SLC10A1: variants seen among roughly 807,000 people sequenced by gnomAD.
SLC10A1 encodes the protein solute carrier family 10 member 1.
A neutral mutation model predicts 20.5 loss-of-function variants in SLC10A1; 36 were observed. That is an observed-to-expected ratio of 1.75 (90% CI 1.34 to 2.32). The LOEUF (loss-of-function observed/expected upper bound fraction) is 2.32. Ranked by LOEUF, SLC10A1 falls within the 30% of genes most tolerant of loss-of-function variation. The probability of loss-of-function intolerance (pLI) is 0.00; values close to 1 mark genes in which losing one functional copy is unlikely to be tolerated. For synonymous variants in SLC10A1, 188 were observed against 163.6 expected (o/e 1.15, Z -1.14); for missense variants, 545 against 439.1 (o/e 1.24, Z -2.16).
intron 2 of SLC10A1, among the ~76,000 whole-genome samples, chr14:69,783,917 A>G (rs1434299268): frequency 1.3e-5 from 2 of 152,224 alleles, no homozygotes; most frequent in Admixed American, 6.5e-5. Context: ...GCACACACAC[A>G]GTGCCACCGA....
chr14:69,781,437 C>T (rs1883589733), intron 2 of SLC10A1, among the ~76,000 whole-genome samples: 1 of 152,188 alleles, frequency 6.6e-6, no homozygotes, highest in Non-Finnish European at 1.5e-5. Flanking sequence ...CAAAGGTGGC[C>T]CGCACAGGCT....
chr14:69,791,457 C>T (rs953904333), intron 1 of SLC10A1, among the ~76,000 whole-genome samples: 16 of 152,148 alleles, frequency 1.1e-4, no homozygotes, highest in Non-Finnish European at 1.9e-4. Context: ...CCCGCCACCA[C>T]GCCCAGCTAA....
rs765246704 is a variant in SLC10A1 at position 69,779,262 on chromosome 14, CAA to C, written c.664_665del (p.Leu222AspfsTer55). Reference protein sequence around the residue: ...KSIMFAMTPLLIATSSLMPFI... With the variant: ...KSIMFAMTPLXIATSSLMPFI... Reference sequence around the variant, plus strand: ...AAGGCATCAGGGAGGAGGTGGCAATCAAGAGTGGTGTCATGGCAAACATGATG... The same window carrying C: ...AAGGCATCAGGGAGGAGGTGGCAATCGAGTGGTGTCATGGCAAACATGATG... On this transcript the variant is annotated frameshift_variant, in exon 3 of 5. Transcript: ENST00000216540. LOFTEE classifies it high-confidence loss of function. 2.2e-5 allele frequency: 36 copies of C among 1,613,710 alleles called. No individual in the cohort carries two copies. In the Middle Eastern group the frequency reaches 4.9e-4, roughly 22 times the overall value.
intron 2 of SLC10A1, among the ~76,000 whole-genome samples, chr14:69,782,173 C>T (rs1883606796): frequency 1.3e-5 from 2 of 152,196 alleles, no homozygotes; most frequent in South Asian, 4.1e-4. Flanking sequence ...ATCAGTGTAG[C>T]TGTTGACTTT....
Position 69,779,184 on chromosome 14 carries a change from T to C in SLC10A1, c.744A>G (p.Gly248=). The part of the protein sequence containing the change: ...YVLSALFCLN[G]RCRRTVSMET... ...TTAAAAAAAAAAAAAATACCTACCG[T>C]CCATTGAGGCAGAAGAGAGCAGAGA... is the stretch of plus-strand genomic sequence containing the variant. Residue 248 remains glycine (G), a splice_region_variant and synonymous_variant, in exon 3 of 5, where the codon GGA becomes GGG. Coordinates refer to ENST00000216540, the MANE Select transcript of SLC10A1 (RefSeq NM_003049.4). 1.3e-6 allele frequency: 2 copies of C among 1,567,630 alleles called. No homozygotes were observed. Among genetic ancestry groups the C allele is most frequent in the African/African-American group, 1.4e-5 (1 of 70,694 alleles).
chr14:69,782,042 G>A (rs1217831887), intron 2 of SLC10A1, among the ~76,000 whole-genome samples: 5 of 152,292 alleles, frequency 3.3e-5, no homozygotes, highest in African/African-American at 7.2e-5. Flanking sequence ...ACAGGGTGAC[G>A]AAGGATGAGC....
At chr14:69,781,767 C>T (rs1329795053) in intron 2 of SLC10A1, among the ~76,000 whole-genome samples, 1 of 152,168 alleles carries the variant, frequency 6.6e-6, no homozygotes, top group Non-Finnish European at 1.5e-5. Flanking sequence ...TTGGATAAAC[C>T]CTTGCATGGG....
At chr14:69,787,137 T>C (rs185670612) in intron 1 of SLC10A1, among the ~76,000 whole-genome samples, 70 of 152,352 alleles carry the variant, frequency 4.6e-4, no homozygotes, top group African/African-American at 1.6e-3. Context: ...TCCCCAACTC[T>C]GGTGTTCTCA....
rs1883802035 is a variant in SLC10A1, at chr14:69,789,928, T to TC, written c.357-3622_357-3621insG. On this transcript the variant is annotated intron_variant, in intron 1 of 4. Transcript: ENST00000216540. ...CCAAAAATAGGGTTTTTTTTTTTTC[T>TC]TTTTTTTTTTAAAGGCCAATTAAAT... Among the ~76,000 whole-genome samples, 11 of 145,864 alleles carry TC rather than the reference T, an allele frequency of 7.5e-5. 1 individual carries two copies. The highest frequency in any genetic ancestry group is 9.1e-5 in the Non-Finnish European group (6 of 65,868).
At position 69,778,408 on chromosome 14, in the gene SLC10A1, T is replaced by C. The variant is rs200184307; in HGVS notation, c.868A>G (p.Met290Val). 11 of 1,613,776 alleles carry C rather than the reference T, an allele frequency of 6.8e-6. No individual in the cohort carries two copies. The highest frequency in any genetic ancestry group is 2.2e-5 in the South Asian group (2 of 91,056). ...AGCCCTTCTCCAAGCTGGAAAATCA[T>C]GTAGAGGAGGGGAAAGAAGAAAAGT... is the stretch of plus-strand genomic sequence containing the variant. ...GPLFFFPLLYMIFQLGEGLLL... is the reference protein window; with the variant it reads ...GPLFFFPLLYVIFQLGEGLLL... The change falls in exon 4 of 5, where the codon ATG becomes GTG. Residue 290 changes from methionine to valine, a missense_variant. Physicochemically the swap from Met to Val is conservative, Grantham distance 21. Transcript: ENST00000216540.
Position 69,776,208 on chromosome 14 carries a change from G to C in SLC10A1, c.*74C>G. 9.7e-7 allele frequency: 1 copy of C among 1,034,418 alleles called. No individual in the cohort carries two copies. The allele number at this position is 1,034,418 out of a possible 1,614,324, so 64.1% of individuals were successfully genotyped here. A position where few individuals can be genotyped will look rare whatever the true frequency, so the allele number is the denominator to read the frequency against. On this transcript the variant is annotated 3_prime_UTR_variant, in exon 5 of 5. Transcript: ENST00000216540. ...AGACTCAGGCAAGACTGGTGTTTTT[G>C]CTGCTCTCTCTAGTTTACCACACTG... is the stretch of plus-strand genomic sequence containing the variant.
At chr14:69,785,594 T>TC (rs1883692198) in intron 2 of SLC10A1, among the ~76,000 whole-genome samples, 1 of 150,154 alleles carries the variant, frequency 6.7e-6, no homozygotes, top group Non-Finnish European at 1.5e-5. Context: ...TTCTTTTCTT[T>TC]TTTTTTTTTT....
At chr14:69,796,634 T>C (rs1882390345) in intron 1 of SLC10A1, among the ~76,000 whole-genome samples, 166 bp downstream of exon 1, 1 of 152,146 alleles carries the variant, frequency 6.6e-6, no homozygotes, top group South Asian at 2.1e-4. Flanking sequence ...CCTGCCCCCA[T>C]CCCAGCATAA....
intron 1 of SLC10A1, 24 bp from the exon 2 acceptor site, chr14:69,786,331 GGA>G (rs375377530): frequency 1.4e-4 from 226 of 1,593,510 alleles, no homozygotes; most frequent in Admixed American, 2.8e-4. Flanking sequence ...TGGGAAGAGG[GGA>G]GAGAGAGAGA....
chr14:69,778,353 T>C lies in SLC10A1; in HGVS notation c.923A>G (p.Glu308Gly). 2.5e-6 allele frequency: 4 copies of C among 1,608,736 alleles called. No homozygotes were observed. The South Asian group carries it at 4.4e-5, about 18-fold the overall frequency. The change falls in exon 4 of 5, where the codon GAG becomes GGG. Residue 308 changes from glutamate (E) to glycine (G), a missense_variant. Glu to Gly is a moderately conservative substitution (Grantham distance 98). Transcript: ENST00000216540. ...CTCACCCTTGGGAGTCTTGAATTTC[T>C]CATAGCACCAAAATATGGCAATGAG... ...LLLIAIFWCYEKFKTPKDKTK... is the reference protein window; with the variant it reads ...LLLIAIFWCYGKFKTPKDKTK...
At position 69,779,170 on chromosome 14, in the gene SLC10A1, A is replaced by T. The variant is rs201879163; in HGVS notation, c.746+12T>A. 4.9e-5 allele frequency: 77 copies of T among 1,569,136 alleles called. No individual in the cohort carries two copies. The Admixed American group carries it at 5.5e-4, about 11-fold the overall frequency. On this transcript the variant is annotated intron_variant, in intron 3 of 4. Transcript: ENST00000216540. Reference sequence around the variant, plus strand: ...AGTGAGACCCTTTCTTAAAAAAAAAAAAAATACCTACCGTCCATTGAGGCA... The same window carrying T: ...AGTGAGACCCTTTCTTAAAAAAAAATAAAATACCTACCGTCCATTGAGGCA...
intron 1 of SLC10A1, among the ~76,000 whole-genome samples, chr14:69,788,100 G>A (rs183580931): frequency 1.9e-4 from 29 of 152,024 alleles, no homozygotes; most frequent in Non-Finnish European, 2.9e-4. Context: ...CTTCATAGAG[G>A]GGTTCTGGAG....
At position 69,797,079 on chromosome 14, in the gene SLC10A1, G is replaced by A. The variant is rs1882402864; in HGVS notation, c.77C>T (p.Ala26Val). The change falls in exon 1 of 5, where the codon GCA (alanine) becomes GTA (valine). Residue 26 changes from alanine (A) to valine (V), a missense_variant. Coordinates refer to ENST00000216540, the MANE Select transcript of SLC10A1 (RefSeq NM_003049.4). ...PNFGKRPTDL[A>V]LSVILVFMLF... ...CATGAACACCAGGATGACGCTCAGT[G>A]CCAGGTCTGTGGGGCGCTTGCCAAA... is the stretch of plus-strand genomic sequence containing the variant. The A allele has an allele frequency of 6.2e-7, 1 of 1,614,144 alleles. No homozygotes were observed. Among genetic ancestry groups the A allele is most frequent in the South Asian group, 1.1e-5 (1 of 91,080 alleles).
At chr14:69,784,638 T>C (rs996672955) in intron 2 of SLC10A1, among the ~76,000 whole-genome samples, 1 of 152,118 alleles carries the variant, frequency 6.6e-6, no homozygotes, top group African/African-American at 2.4e-5. Context: ...AGAGACACTT[T>C]TTGTTTTGTT....
Sources: gnomAD v4.1 joint callset for allele counts (sites outside exome capture counted in the v4.1 genomes callset) on GRCh38, gnomAD v4.1.1 for gene constraint, MANE v1.5 for transcripts, NCBI Gene and HGNC (gene_info 2026-07-23, HGNC 2026-07-21) for gene names.